RAB38: variants seen among roughly 807,000 people sequenced by gnomAD.
The protein encoded by RAB38 is ras-related protein Rab-38.
RAB38 carries 15 observed loss-of-function variants against 18.4 expected under a neutral mutation model. That is an observed-to-expected ratio of 0.82 (90% confidence interval 0.55 to 1.26). The LOEUF is 1.26. Among genes scored for constraint, RAB38 ranks in the 50% most tolerant of loss-of-function variants. The pLI, the probability that RAB38 is intolerant of heterozygous loss-of-function variation, is 0.00. For missense variants in RAB38, 294 were observed against 267.4 expected, an observed-to-expected ratio of 1.10 and a Z score of -0.69; for synonymous variants, 101 against 104.4, an observed-to-expected ratio of 0.97 and a Z score of 0.20.
the RAB38 span, among the ~76,000 whole-genome samples, chr11:88,095,234 T>A: frequency 6.6e-6 from 1 of 151,956 alleles, no homozygotes; most frequent in Admixed American, 6.6e-5. Context: ...ACACCATTCC[T>A]GACATAATCC....
chr11:87,878,347 C>G, the RAB38 span, among the ~76,000 whole-genome samples: 1 of 149,182 alleles, frequency 6.7e-6, no homozygotes, highest in African/African-American at 2.5e-5. Flanking sequence ...ATCTATCTAT[C>G]ATCTGTCTAT....
At chr11:87,970,348 C>A in the RAB38 span, among the ~76,000 whole-genome samples, 1 of 152,086 alleles carries the variant, frequency 6.6e-6, no homozygotes, top group Non-Finnish European at 1.5e-5. Flanking sequence ...AATCTTAGCC[C>A]TGTTAGACTC....
At chr11:87,847,737 G>A in the RAB38 span, among the ~76,000 whole-genome samples, 1 of 152,002 alleles carries the variant, frequency 6.6e-6, no homozygotes, top group African/African-American at 2.4e-5. Context: ...TTGTTATGAC[G>A]ATCAATTTAA....
intron 2 of RAB38, among the ~76,000 whole-genome samples, chr11:88,133,954 G>C (rs532369242): frequency 7.9e-5 from 12 of 152,292 alleles, no homozygotes; most frequent in Admixed American, 6.5e-4. Context: ...AATGCCAAGA[G>C]ATTAGTCCTG....
the RAB38 span, among the ~76,000 whole-genome samples, chr11:87,891,174 G>T: frequency 6.6e-6 from 1 of 151,832 alleles, no homozygotes; most frequent in Non-Finnish European, 1.5e-5. Flanking sequence ...CTTCATTTGG[G>T]TTGACCTTAG....
chr11:88,021,800 G>T, the RAB38 span, among the ~76,000 whole-genome samples: 7 of 144,030 alleles, frequency 4.9e-5, no homozygotes, highest in Non-Finnish European at 6.0e-5. Context: ...GTTGCAGCGA[G>T]CTGAGATCAT....
chr11:87,924,780 G>A, the RAB38 span, among the ~76,000 whole-genome samples: 1 of 152,004 alleles, frequency 6.6e-6, no homozygotes, highest in African/African-American at 2.4e-5. Flanking sequence ...GTAGGAAGTG[G>A]TGGAGGCAAG....
chr11:88,150,047 A>C (rs1247860699), intron 1 of RAB38, 92 bp from the exon 2 acceptor site: 2 of 1,340,334 alleles, frequency 1.5e-6, no homozygotes, highest in Non-Finnish European at 1.0e-6. Context: ...TGAGCAAGTC[A>C]ATCAGTAAAG....
chr11:87,881,415 CTTTTATT>C, the RAB38 span, among the ~76,000 whole-genome samples: 5 of 151,792 alleles, frequency 3.3e-5, no homozygotes, highest in African/African-American at 9.7e-5. Flanking sequence ...TTTCTTTCTA[CTTTTATT>C]TTTTATTAGG....
chr11:88,158,871 C>T (rs1943156249), intron 1 of RAB38, among the ~76,000 whole-genome samples: 2 of 152,024 alleles, frequency 1.3e-5, no homozygotes, highest in South Asian at 2.1e-4. Flanking sequence ...ACAAGGATGT[C>T]CATTCTCATT....
chr11:88,042,996 T>C, the RAB38 span, among the ~76,000 whole-genome samples: 1 of 152,012 alleles, frequency 6.6e-6, no homozygotes, highest in Non-Finnish European at 1.5e-5. Flanking sequence ...CATTTTTAAA[T>C]AAAAGCTCTC....
At chr11:87,868,017 A>G in the RAB38 span, among the ~76,000 whole-genome samples, 1 of 151,884 alleles carries the variant, frequency 6.6e-6, no homozygotes, top group Non-Finnish European at 1.5e-5. Flanking sequence ...TGATATGTCA[A>G]GATTGATACA....
At chr11:87,959,689 T>A in the RAB38 span, among the ~76,000 whole-genome samples, 13 of 152,156 alleles carry the variant, frequency 8.5e-5, no homozygotes, top group Non-Finnish European at 1.5e-4. Context: ...ATGAGCAACT[T>A]TTGCATCACT....
chr11:87,828,763 A>T, the RAB38 span, among the ~76,000 whole-genome samples: 1 of 152,156 alleles, frequency 6.6e-6, no homozygotes, highest in South Asian at 2.1e-4. Flanking sequence ...ACTTTTTTTC[A>T]ATTTGTTCAT....
the RAB38 span, among the ~76,000 whole-genome samples, chr11:87,909,337 TA>T: frequency 1.7e-4 from 3 of 17,196 alleles, no homozygotes; most frequent in African/African-American, 2.2e-4. Flanking sequence ...GCACCTTTCT[TA>T]CTTCTCATAT....
the RAB38 span, among the ~76,000 whole-genome samples, chr11:87,808,949 G>T: frequency 2.6e-5 from 4 of 152,100 alleles, no homozygotes; most frequent in African/African-American, 7.2e-5. Flanking sequence ...AAGTAACCAT[G>T]AAAATATTAG....
chr11:88,016,945 C>G, the RAB38 span, among the ~76,000 whole-genome samples: 3 of 152,112 alleles, frequency 2.0e-5, no homozygotes, highest in South Asian at 6.2e-4. Flanking sequence ...ATGGATTAAG[C>G]AGACTTGCAA....
chr11:88,159,161 G>A (rs114134366), intron 1 of RAB38, among the ~76,000 whole-genome samples: 3,778 of 150,214 alleles, frequency 0.025, 148 homozygotes, highest in African/African-American at 0.088. Context: ...TTCAAGCCAA[G>A]AGCCAAATCA....
chr11:87,878,293 T>TCTATCTAC, the RAB38 span, among the ~76,000 whole-genome samples: 1 of 143,156 alleles, frequency 7.0e-6, no homozygotes, highest in Non-Finnish European at 1.5e-5. Flanking sequence ...TATCTATCTA[T>TCTATCTAC]CTATCTACCT....
Sources: allele counts gnomAD v4.1 joint callset (sites outside exome capture counted in the v4.1 genomes callset), GRCh38; gene constraint gnomAD v4.1.1; transcripts MANE v1.5; gene names NCBI Gene and HGNC (gene_info 2026-07-23, HGNC 2026-07-21).